CHL1: variants seen among roughly 807,000 people sequenced by gnomAD.
CHL1 encodes neural cell adhesion molecule L1-like protein.
CHL1 carries 96 observed loss-of-function variants against 141.9 expected under a neutral mutation model. That is an observed-to-expected ratio of 0.68 (90% CI 0.57 to 0.80). CHL1 has a LOEUF of 0.80. Among genes scored for constraint, CHL1 ranks in the 30% least tolerant of loss-of-function variants. The probability of loss-of-function intolerance (pLI) is 0.00; values close to 1 mark genes in which losing one functional copy is unlikely to be tolerated. For synonymous variants in CHL1, 613 were observed against 502.2 expected (o/e 1.22, Z -2.95); for missense variants, 1,820 against 1,457.2 (o/e 1.25, Z -4.05).
At chr3:360,252 T>G in intron 11 of CHL1, 32 bp from the exon 12 acceptor site, 1 of 1,611,066 alleles carries the variant, frequency 6.2e-7, no homozygotes, top group Non-Finnish European at 8.5e-7. Flanking sequence ...GTCCTGTTCC[T>G]TATCAAACTG....
At chr3:363,905 T>C (rs2125280434) in intron 14 of CHL1, 1 of 152,406 alleles carries the variant, frequency 6.6e-6, no homozygotes, top group East Asian at 1.9e-4. Flanking sequence ...ATATTTTGAT[T>C]TTAATATTGC....
intron 5 of CHL1, among the ~76,000 whole-genome samples, chr3:334,079 A>G (rs767686332): frequency 6.6e-6 from 1 of 151,968 alleles, no homozygotes; most frequent in Non-Finnish European, 1.5e-5. Flanking sequence ...ACCTAAACCT[A>G]CCCAGTAGCT....
intron 19 of CHL1, among the ~76,000 whole-genome samples, chr3:387,078 C>T (rs901805362): frequency 2.6e-5 from 4 of 152,134 alleles, no homozygotes; most frequent in Non-Finnish European, 5.9e-5. Flanking sequence ...CAAGGCAGGA[C>T]GGCAGTCTTT....
chr3:398,956 G>A, intron 25 of CHL1, 61 bp from the exon 26 acceptor site: 2 of 1,517,246 alleles, frequency 1.3e-6, no homozygotes, highest in Non-Finnish European at 1.8e-6. Flanking sequence ...TTTCCCCAAT[G>A]TTACAGAATA....
chr3:244,507 A>G (rs1229569733), intron 1 of CHL1, 106 bp from the exon 2 acceptor site: 1 of 151,678 alleles, frequency 6.6e-6, no homozygotes, highest in Non-Finnish European at 1.5e-5. Flanking sequence ...TGTGGGGAGA[A>G]AGAAAAATTA....
chr3:294,316 T>A (rs1332229335), intron 2 of CHL1, among the ~76,000 whole-genome samples: 5 of 152,060 alleles, frequency 3.3e-5, no homozygotes, highest in African/African-American at 1.2e-4. Context: ...AAGACTCTTG[T>A]CTCAAAATAA....
chr3:300,641 C>T (rs544978498), intron 2 of CHL1, among the ~76,000 whole-genome samples: 3 of 152,228 alleles, frequency 2.0e-5, no homozygotes, highest in African/African-American at 7.2e-5. Flanking sequence ...TGAGCAAAGC[C>T]TGAATGTTTC....
In CHL1 at chr3:325,440, T is replaced by C. The variant is rs369118241; in HGVS notation, c.92-519T>C. Among the ~76,000 whole-genome samples, 6 of 145,446 alleles carry C rather than the reference T, an allele frequency of 4.1e-5. No individual in the cohort carries two copies. In the East Asian group the frequency reaches 6.2e-4, roughly 15 times the overall value. On this transcript the variant is annotated intron_variant, in intron 3 of 27. Coordinates refer to ENST00000256509, the MANE Select transcript of CHL1 (RefSeq NM_006614.4). Reference sequence around the variant, plus strand: ...TATTTACTCAAAATTCCTATTGAAATAGTTTACCTGGAAAGAAAAAAAATG... The same window carrying C: ...TATTTACTCAAAATTCCTATTGAAACAGTTTACCTGGAAAGAAAAAAAATG...
At chr3:403,557 C>T (rs533401473) in intron 27 of CHL1, among the ~76,000 whole-genome samples, 159 of 152,014 alleles carry the variant, frequency 1.0e-3, no homozygotes, top group African/African-American at 3.6e-3. Context: ...AACAACAAAA[C>T]AAAAACACAA....
intron 2 of CHL1, among the ~76,000 whole-genome samples, chr3:255,714 T>C (rs917287188): frequency 5.3e-5 from 8 of 152,248 alleles, no homozygotes; most frequent in Non-Finnish European, 1.2e-4. Flanking sequence ...TAGTATTTCC[T>C]GACAACCTAG....
chr3:347,477 T>C (rs900338179), intron 9 of CHL1, among the ~76,000 whole-genome samples: 4 of 152,226 alleles, frequency 2.6e-5, no homozygotes, highest in Non-Finnish European at 4.4e-5. Context: ...TTAAATTATA[T>C]CTCATTTTCA....
At chr3:266,901 G>A (rs894378141) in intron 2 of CHL1, among the ~76,000 whole-genome samples, 21 of 152,018 alleles carry the variant, frequency 1.4e-4, no homozygotes, top group African/African-American at 5.1e-4. Context: ...ATTATCTGAG[G>A]GTGCAGGAAA....
At chr3:382,144 C>G (rs1410183959) in intron 16 of CHL1, 35 bp from the exon 17 acceptor site, 1 of 1,558,082 alleles carries the variant, frequency 6.4e-7, no homozygotes, top group South Asian at 1.1e-5. Flanking sequence ...TAAACAAAGG[C>G]AATTATCTAC....
intron 1 of CHL1, among the ~76,000 whole-genome samples, chr3:218,165 G>A (rs972650473): frequency 3.9e-5 from 6 of 152,162 alleles, no homozygotes; most frequent in African/African-American, 1.4e-4. Context: ...GAGTGATTGG[G>A]TGATTTCCAA....
intron 5 of CHL1, chr3:328,580 T>C (rs1438249071): frequency 5.4e-6 from 2 of 370,752 alleles, no homozygotes; most frequent in Non-Finnish European, 9.6e-6. Flanking sequence ...ATATCTAACA[T>C]GGAAAAATAT....
At chr3:392,442 A>G (rs904081401) in intron 23 of CHL1, among the ~76,000 whole-genome samples, 1 of 152,264 alleles carries the variant, frequency 6.6e-6, no homozygotes, top group African/African-American at 2.4e-5. Flanking sequence ...CTCTGCCCAG[A>G]TGCTGCTGTG....
intron 10 of CHL1, among the ~76,000 whole-genome samples, chr3:354,321 C>T (rs1703514140): frequency 6.6e-6 from 1 of 151,978 alleles, no homozygotes; most frequent in African/African-American, 2.4e-5. Context: ...GCTTATTCTT[C>T]CCTCATTTTT....
intron 2 of CHL1, chr3:247,628 C>G (rs3864046): frequency 6.6e-6 from 1 of 151,900 alleles, no homozygotes; most frequent in Non-Finnish European, 1.5e-5. Context: ...CTGGATCCTG[C>G]TATCTTGGCA....
At chr3:212,100 C>T (rs1699946839) in intron 1 of CHL1, among the ~76,000 whole-genome samples, 1 of 152,022 alleles carries the variant, frequency 6.6e-6, no homozygotes, top group Non-Finnish European at 1.5e-5. Flanking sequence ...TTAAATTCTG[C>T]CGTTTTAGAT....
Sources: allele counts gnomAD v4.1 joint callset (sites outside exome capture counted in the v4.1 genomes callset), GRCh38; gene constraint gnomAD v4.1.1; transcripts MANE v1.5; gene names NCBI Gene and HGNC (gene_info 2026-07-23, HGNC 2026-07-21).